IPCEF1: variants seen among roughly 807,000 people sequenced by gnomAD.
IPCEF1 encodes the protein interactor protein for cytohesin exchange factors 1.
IPCEF1 carries 31 observed loss-of-function variants against 50.9 expected under a neutral mutation model. The observed-to-expected ratio is 0.61, with a 90% CI of 0.46 to 0.82. IPCEF1 has a LOEUF of 0.82. Ranked by LOEUF, IPCEF1 falls within the 40% of genes least tolerant of loss-of-function variation. The probability of loss-of-function intolerance (pLI) is 0.00; values close to 1 mark genes in which losing one functional copy is unlikely to be tolerated. For missense variants in IPCEF1, 458 were observed against 514.0 expected (o/e 0.89, Z 1.05); for synonymous variants, 181 against 192.0 (o/e 0.94, Z 0.47).
intron 1 of IPCEF1, among the ~76,000 whole-genome samples, chr6:154,313,747 G>A (rs1197377766): frequency 1.3e-5 from 2 of 151,574 alleles, no homozygotes; most frequent in African/African-American, 4.8e-5. Flanking sequence ...TTTTTGTTTT[G>A]TTTTTTGTTT....
intron 2 of IPCEF1, among the ~76,000 whole-genome samples, chr6:154,284,422 C>G (rs972319363): frequency 6.6e-6 from 1 of 152,142 alleles, no homozygotes; most frequent in Non-Finnish European, 1.5e-5. Flanking sequence ...TCTTCTCCCT[C>G]GGCCCCCAGG....
chr6:154,226,633 T>C (rs1170247629), intron 5 of IPCEF1, among the ~76,000 whole-genome samples: 1 of 152,188 alleles, frequency 6.6e-6, no homozygotes, highest in Non-Finnish European at 1.5e-5. Context: ...TCCTCAACTG[T>C]TCTCCTTCTC....
At chr6:154,238,437 A>G (rs758456263) in intron 5 of IPCEF1, among the ~76,000 whole-genome samples, 2 of 151,772 alleles carry the variant, frequency 1.3e-5, no homozygotes, top group Non-Finnish European at 1.5e-5. Flanking sequence ...GTATATATAT[A>G]TATATTTTAA....
chr6:154,356,232 C>T (rs775730776), intron 1 of IPCEF1, among the ~76,000 whole-genome samples: 6 of 152,166 alleles, frequency 3.9e-5, no homozygotes, highest in Non-Finnish European at 7.4e-5. Context: ...AGCCTGAGAC[C>T]TTTATCAAAG....
Position 154,159,966 on chromosome 6 carries a change from C to T in IPCEF1, c.1179G>A (p.Glu393=). The part of the protein sequence containing the change: ...DPKLTARKYR[E]WKVMNTLLIQ... ...TCAGCAGGGTGTTCATGACTTTCCA[C>T]TCTCTGTATTTCCTGGCTGTCAGCT... Residue 393 remains glutamate (E), a synonymous_variant, in exon 12 of 12, where the codon GAG becomes GAA. Transcript: ENST00000367220. The T allele has an allele frequency of 6.2e-7, 1 of 1,613,350 alleles. No individual in the cohort carries two copies. Among genetic ancestry groups the T allele is most frequent in the Non-Finnish European group, 8.5e-7 (1 of 1,179,998 alleles).
intron 5 of IPCEF1, among the ~76,000 whole-genome samples, chr6:154,236,453 G>C (rs1780141457): frequency 6.6e-6 from 1 of 152,178 alleles, no homozygotes; most frequent in Non-Finnish European, 1.5e-5. Flanking sequence ...AAGACGAAAA[G>C]AGTTCTGGAG....
intron 3 of IPCEF1, among the ~76,000 whole-genome samples, chr6:154,260,476 CTT>C (rs34318796): frequency 3.0e-4 from 44 of 144,356 alleles, no homozygotes; most frequent in Non-Finnish European, 3.8e-4. Context: ...GACCAGAGAA[CTT>C]TTTTTTTTTT....
chr6:154,164,301 T>C (rs772966674), intron 11 of IPCEF1, among the ~76,000 whole-genome samples: 9 of 152,324 alleles, frequency 5.9e-5, no homozygotes, highest in African/African-American at 1.2e-4. Context: ...AGCTGACACT[T>C]CTCATATGGC....
chr6:154,252,359 CTGTCAG>C (rs1337048557), intron 3 of IPCEF1, among the ~76,000 whole-genome samples: 4 of 152,104 alleles, frequency 2.6e-5, no homozygotes, highest in Non-Finnish European at 4.4e-5. Flanking sequence ...CCTTCCAGTA[CTGTCAG>C]TGTGAAAAAA....
chr6:154,310,245 T>C (rs572937653), intron 1 of IPCEF1, among the ~76,000 whole-genome samples: 5 of 152,312 alleles, frequency 3.3e-5, no homozygotes, highest in Admixed American at 2.0e-4. Context: ...AGAGGACATA[T>C]GATTGGCAAA....
intron 10 of IPCEF1, among the ~76,000 whole-genome samples, chr6:154,192,544 C>T (rs1801995987): frequency 6.6e-6 from 1 of 151,894 alleles, no homozygotes. Flanking sequence ...TTCTGCACAG[C>T]AAAAGAAACA....
At chr6:154,240,161 A>G (rs895427675) in intron 5 of IPCEF1, among the ~76,000 whole-genome samples, 1 of 152,252 alleles carries the variant, frequency 6.6e-6, no homozygotes, top group African/African-American at 2.4e-5. Flanking sequence ...ATAATGCTCA[A>G]TTTAATTAGT....
intron 1 of IPCEF1, among the ~76,000 whole-genome samples, chr6:154,349,312 C>T (rs957130969): frequency 4.0e-5 from 6 of 151,842 alleles, no homozygotes; most frequent in African/African-American, 1.5e-4. Flanking sequence ...CTGCCTCCAT[C>T]TCCTGAGTAG....
intron 1 of IPCEF1, among the ~76,000 whole-genome samples, chr6:154,336,758 C>T (rs951987014): frequency 6.6e-6 from 1 of 152,134 alleles, no homozygotes; most frequent in African/African-American, 2.4e-5. Context: ...CATGTGCCAC[C>T]ATGCACAGCT....
intron 7 of IPCEF1, among the ~76,000 whole-genome samples, chr6:154,218,018 G>A (rs1778550770): frequency 6.6e-6 from 1 of 152,174 alleles, no homozygotes; most frequent in Admixed American, 6.5e-5. Flanking sequence ...AACTGGTGAT[G>A]TTTAGAATCT....
chr6:154,341,450 T>C (rs1235495155), intron 1 of IPCEF1, among the ~76,000 whole-genome samples: 2 of 152,156 alleles, frequency 1.3e-5, no homozygotes, highest in African/African-American at 4.8e-5. Flanking sequence ...TGATTGATAT[T>C]GAAAGGAATG....
chr6:154,259,305 C>T (rs948650489), intron 3 of IPCEF1, among the ~76,000 whole-genome samples: 7 of 152,164 alleles, frequency 4.6e-5, no homozygotes, highest in African/African-American at 1.7e-4. Flanking sequence ...ATACCTTTCT[C>T]CCTCATCCTC....
intron 9 of IPCEF1, among the ~76,000 whole-genome samples, chr6:154,207,374 C>G (rs2128600148): frequency 6.6e-6 from 1 of 152,274 alleles, no homozygotes; most frequent in East Asian, 1.9e-4. Flanking sequence ...CTACCTTTTT[C>G]TTGTATATAT....
chr6:154,186,775 C>T (rs1801403650), intron 10 of IPCEF1, among the ~76,000 whole-genome samples: 1 of 152,116 alleles, frequency 6.6e-6, no homozygotes, highest in Non-Finnish European at 1.5e-5. Flanking sequence ...CCAGGATGGT[C>T]TTGATCTCCT....
Sources: allele counts gnomAD v4.1 joint callset (sites outside exome capture counted in the v4.1 genomes callset), GRCh38; gene constraint gnomAD v4.1.1; transcripts MANE v1.5; gene names NCBI Gene and HGNC (gene_info 2026-07-23, HGNC 2026-07-21).